EFHC1: variants seen among roughly 807,000 people sequenced by gnomAD.
EFHC1 encodes the protein EF-hand domain-containing protein 1.
A neutral mutation model predicts 69.9 loss-of-function variants in EFHC1; 53 were observed. The observed-to-expected ratio is 0.76, with a 90% CI of 0.61 to 0.95. EFHC1 has a LOEUF of 0.95. EFHC1 is among the 40% of genes least tolerant of loss of function. The probability of loss-of-function intolerance (pLI) is 0.00; values close to 1 mark genes in which losing one functional copy is unlikely to be tolerated. For synonymous variants in EFHC1, 256 were observed against 278.4 expected (o/e 0.92, Z 0.80); for missense variants, 739 against 798.7 (o/e 0.93, Z 0.90).
At position 52,420,474 on chromosome 6, in the gene EFHC1, G is replaced by T; in HGVS notation, c.63+1G>T. Reference sequence around the variant, plus strand: ...GGGCACGTCCTTTAAGGACTCTACGGTGAGCAGTTATCTGCCAGACTCCCA... The same window carrying T: ...GGGCACGTCCTTTAAGGACTCTACGTTGAGCAGTTATCTGCCAGACTCCCA... On this transcript the variant is annotated splice_donor_variant, in intron 1 of 10. Coordinates refer to ENST00000371068, the MANE Select transcript of EFHC1 (RefSeq NM_018100.4). LOFTEE classifies it high-confidence loss of function. 6.2e-7 allele frequency: 1 copy of T among 1,614,170 alleles called. No homozygotes were observed. Among genetic ancestry groups the T allele is most frequent in the Non-Finnish European group, 8.5e-7 (1 of 1,180,018 alleles).
intron 2 of EFHC1, among the ~76,000 whole-genome samples, chr6:52,431,044 T>A (rs570672775): frequency 1.3e-5 from 2 of 152,350 alleles, no homozygotes; most frequent in Non-Finnish European, 2.9e-5. Flanking sequence ...AGTTGTAATA[T>A]CTTCCATTTT....
chr6:52,430,196 A>C (rs1423597350), intron 2 of EFHC1: 1 of 152,076 alleles, frequency 6.6e-6, no homozygotes, highest in Non-Finnish European at 1.5e-5. Flanking sequence ...GATGACCTTT[A>C]TTTCTTTCTG....
Position 52,494,724 on chromosome 6 carries a change from G to A in EFHC1, c.*2383G>A, listed in dbSNP as rs917250018. The A allele has an allele frequency of 1.5e-5, 7 of 453,892 alleles. No homozygotes were observed. The highest frequency in any genetic ancestry group is 1.8e-5 in the Non-Finnish European group (4 of 226,786). The allele number at this position is 453,892 out of a possible 1,614,324, so 28.1% of individuals were successfully genotyped here. On this transcript the variant is annotated 3_prime_UTR_variant, in exon 11 of 11. Transcript: ENST00000371068. ...CCTTCCCACTCTGGTAGTCCCCAGT[G>A]TCTATTGTTCCCATCATTATGTCTA...
chr6:52,476,115 G>A (rs942108504), intron 7 of EFHC1, among the ~76,000 whole-genome samples: 5 of 152,198 alleles, frequency 3.3e-5, no homozygotes, highest in African/African-American at 1.2e-4. Flanking sequence ...GCCAGCCAGG[G>A]CTCTGCAACC....
intron 2 of EFHC1, among the ~76,000 whole-genome samples, chr6:52,433,467 C>T (rs1764459612): frequency 6.6e-6 from 1 of 152,164 alleles, no homozygotes; most frequent in South Asian, 2.1e-4. Context: ...AGCCATCCAG[C>T]AAGTCTGCCA....
At chr6:52,488,833 AT>A (rs1317450648) in intron 9 of EFHC1, 1 of 152,242 alleles carries the variant, frequency 6.6e-6, no homozygotes, top group African/African-American at 2.4e-5. Context: ...CACTAAAAAT[AT>A]CTTTATACTC....
chr6:52,454,073 C>T, intron 4 of EFHC1, 22 bp from the exon 5 acceptor site: 1 of 1,612,046 alleles, frequency 6.2e-7, no homozygotes, highest in Non-Finnish European at 8.5e-7. Context: ...ATTCTTGAGT[C>T]ACTACTTTGG....
intron 2 of EFHC1, among the ~76,000 whole-genome samples, chr6:52,427,970 A>G (rs1764336549): frequency 6.6e-6 from 1 of 152,132 alleles, no homozygotes; most frequent in Non-Finnish European, 1.5e-5. Flanking sequence ...GTCTCCTACC[A>G]GCTAACATTG....
At chr6:52,465,865 T>C (rs1167175059) in intron 6 of EFHC1, among the ~76,000 whole-genome samples, 1 of 148,268 alleles carries the variant, frequency 6.7e-6, no homozygotes, top group East Asian at 1.9e-4. Flanking sequence ...TCTATCTATA[T>C]ATATATTATA....
rs563255082 is a variant in EFHC1, at chr6:52,432,885, A to T, written c.286-5419A>T. On this transcript the variant is annotated intron_variant, in intron 2 of 10. Coordinates refer to ENST00000371068, the MANE Select transcript of EFHC1 (RefSeq NM_018100.4). The stretch of plus-strand genomic sequence containing the variant: ...TTAGAGGCTTTGTTCATATTTTCTT[A>T]TTCTTTTTTCTTTGTCTTTGTTGGA... Among the ~76,000 whole-genome samples, 4 of 151,796 alleles carry T rather than the reference A, an allele frequency of 2.6e-5. No homozygotes were observed. In the South Asian group the frequency reaches 8.3e-4, roughly 31 times the overall value.
rs1038738174 is a variant in EFHC1, at chr6:52,493,444, G to C, written c.*1103G>C. Reference sequence around the variant, plus strand: ...ATATGTATACATATAGTATGTATATGTGTATATATATTATGTATATACATA... The same window carrying C: ...ATATGTATACATATAGTATGTATATCTGTATATATATTATGTATATACATA... On this transcript the variant is annotated 3_prime_UTR_variant, in exon 11 of 11. Coordinates refer to ENST00000371068, the MANE Select transcript of EFHC1 (RefSeq NM_018100.4). The C allele has an allele frequency of 9.8e-5, 38 of 389,732 alleles. No homozygotes were observed. Among genetic ancestry groups the C allele is most frequent in the African/African-American group, 8.3e-4 (37 of 44,492 alleles). 24.1% of individuals were successfully genotyped at this position (389,732 alleles called of 1,614,324 possible).
intron 3 of EFHC1, among the ~76,000 whole-genome samples, chr6:52,443,617 C>T (rs76884785): frequency 0.18 from 27,304 of 151,700 alleles, 2,903 homozygotes; most frequent in Non-Finnish European, 0.24. Context: ...GTATTATTTC[C>T]GAGGGCTCTG....
chr6:52,486,012 C>T (rs1157834194), intron 9 of EFHC1: 1 of 152,124 alleles, frequency 6.6e-6, no homozygotes, highest in Non-Finnish European at 1.5e-5. Context: ...GATACAAATC[C>T]ACTGTCGCAT....
chr6:52,454,455 G>T (rs1373486881), intron 5 of EFHC1, among the ~76,000 whole-genome samples, 168 bp downstream of exon 5: 1 of 151,972 alleles, frequency 6.6e-6, no homozygotes, highest in Non-Finnish European at 1.5e-5. Context: ...TTGCCCCTCG[G>T]TCCAGGCGTG....
At chr6:52,483,059 G>A (rs1457543467) in intron 9 of EFHC1, 1 of 389,754 alleles carries the variant, frequency 2.6e-6, no homozygotes, top group African/African-American at 2.1e-5. Flanking sequence ...AATATACAGT[G>A]ACTAGTCACC....
At chr6:52,475,235 G>A (rs1479458539) in intron 7 of EFHC1, among the ~76,000 whole-genome samples, 1 of 152,118 alleles carries the variant, frequency 6.6e-6, no homozygotes, top group African/African-American at 2.4e-5. Context: ...GGAAGAAAGG[G>A]TGCTTGACAA....
chr6:52,494,914 T>C lies in EFHC1; in HGVS notation c.*2573T>C, dbSNP rs1227954448. The C allele has an allele frequency of 4.4e-6, 2 of 452,250 alleles. No individual in the cohort carries two copies. Among genetic ancestry groups the C allele is most frequent in the South Asian group, 3.1e-5 (2 of 64,336 alleles). 28.0% of individuals were successfully genotyped at this position (452,250 alleles called of 1,614,324 possible). On this transcript the variant is annotated 3_prime_UTR_variant, in exon 11 of 11. Transcript: ENST00000371068. ...GCTGCGTAGTATTCCATGGTGTAGA[T>C]ATACTTCATTTAAAAAATCTAATCC...
At chr6:52,442,807 G>A (rs1002660689) in intron 3 of EFHC1, among the ~76,000 whole-genome samples, 1 of 152,098 alleles carries the variant, frequency 6.6e-6, no homozygotes, top group African/African-American at 2.4e-5. Flanking sequence ...TTGGGTATAT[G>A]CCCAGTAATG....
Position 52,495,971 on chromosome 6 carries a change from CACAA to C in EFHC1, c.*3633_*3636del, listed in dbSNP as rs1216408575. The C allele has an allele frequency of 4.5e-6, 1 of 223,732 alleles. No individual in the cohort carries two copies. Among genetic ancestry groups the C allele is most frequent in the African/African-American group, 2.3e-5 (1 of 43,812 alleles). The allele number at this position is 223,732 out of a possible 1,614,324, so 13.9% of individuals were successfully genotyped here. A position where few individuals can be genotyped will look rare whatever the true frequency, so the allele number is the denominator to read the frequency against. On this transcript the variant is annotated 3_prime_UTR_variant, in exon 11 of 11. Transcript: ENST00000371068. ...TATACAAAGCAGCAAGTATAGGAGC[CACAA>C]ACGTCAGAGCAAATCACTTTTTCTA...
Sources: allele counts gnomAD v4.1 joint callset (sites outside exome capture counted in the v4.1 genomes callset), GRCh38; gene constraint gnomAD v4.1.1; transcripts MANE v1.5; gene names NCBI Gene and HGNC (gene_info 2026-07-23, HGNC 2026-07-21).